LRCH2: variants seen among roughly 807,000 people sequenced by gnomAD.
LRCH2 encodes leucine-rich repeat and calponin homology domain-containing protein 2.
A neutral mutation model predicts 68.9 loss-of-function variants in LRCH2; 38 were observed. The observed-to-expected ratio is 0.55, with a 90% CI of 0.43 to 0.72. LRCH2 has a LOEUF of 0.72. LRCH2 is among the 30% of genes least tolerant of loss of function. The pLI, the probability that LRCH2 is intolerant of heterozygous loss-of-function variation, is 0.00. For missense variants in LRCH2, 528 were observed against 572.9 expected (o/e 0.92, Z 0.80); for synonymous variants, 191 against 208.1 (o/e 0.92, Z 0.71).
intron 16 of LRCH2, among the ~76,000 whole-genome samples, chrX:115,125,771 T>A (rs1269299246): frequency 1.9e-5 from 2 of 104,315 alleles, no homozygotes; most frequent in Non-Finnish European, 3.9e-5. Context: ...TAAGTAGTAG[T>A]CACTTATATG....
chrX:115,178,411 A>T (rs1603062377), intron 5 of LRCH2, among the ~76,000 whole-genome samples: 1 of 112,490 alleles, frequency 8.9e-6, no homozygotes, highest in East Asian at 2.8e-4. Flanking sequence ...AAGTGGTTAC[A>T]GTATTGGACC....
At chrX:115,173,195 C>T (rs1186896923) in intron 5 of LRCH2, among the ~76,000 whole-genome samples, 4 of 111,116 alleles carry the variant, frequency 3.6e-5, no homozygotes, top group Non-Finnish European at 7.5e-5. Context: ...ATGTCCATCC[C>T]GCTGACCCTG....
At chrX:115,171,368 G>T (rs1603055871) in intron 5 of LRCH2, among the ~76,000 whole-genome samples, 2 of 111,173 alleles carry the variant, frequency 1.8e-5, no homozygotes, top group Middle Eastern at 4.7e-3. Flanking sequence ...AAACTTTTGA[G>T]CTATTAGAAT....
At chrX:115,165,528 T>A in intron 9 of LRCH2, 30 bp downstream of exon 9, 1 of 1,078,633 alleles carries the variant, frequency 9.3e-7, no homozygotes, top group Non-Finnish European at 1.3e-6. Context: ...AGAGAACATG[T>A]TATTAATATT....
chrX:115,205,327 A>C (rs2072958073), intron 1 of LRCH2, among the ~76,000 whole-genome samples: 1 of 111,941 alleles, frequency 8.9e-6, no homozygotes, highest in African/African-American at 3.3e-5. Context: ...TGGATCACAG[A>C]ATTTTCAGGG....
At chrX:115,139,695 G>A (rs184995477) in intron 14 of LRCH2, among the ~76,000 whole-genome samples, 1 of 111,074 alleles carries the variant, frequency 9.0e-6, no homozygotes, top group African/African-American at 3.3e-5. Context: ...GGGGGAGGGA[G>A]AGCACAGGGA....
intron 14 of LRCH2, among the ~76,000 whole-genome samples, chrX:115,135,973 A>C (rs1368779973): frequency 8.9e-6 from 1 of 112,281 alleles, no homozygotes; most frequent in Non-Finnish European, 1.9e-5. Flanking sequence ...ATGCACTGGG[A>C]AACCAAAAAA....
At chrX:115,185,820 G>A (rs372612825) in intron 2 of LRCH2, among the ~76,000 whole-genome samples, 326 of 111,815 alleles carry the variant, frequency 2.9e-3, no homozygotes, top group Non-Finnish European at 5.0e-3. Context: ...GGATGAAGCA[G>A]GCTCCTTGGA....
In LRCH2 at chrX:115,134,217, T is replaced by C. The variant is rs1305495019; in HGVS notation, c.1696-4018A>G. On this transcript the variant is annotated intron_variant, in intron 14 of 20. Coordinates refer to ENST00000317135, the MANE Select transcript of LRCH2 (RefSeq NM_020871.4). ...AAGCTGCAGAAGAAAAGCTGGAAGC[T>C]GTAGAGGTTGGTTGGTTCATAAGAT... Among the ~76,000 whole-genome samples the C allele has an allele frequency of 3.6e-5, 4 of 112,208 alleles. No homozygotes were observed. The East Asian group carries it at 8.5e-4, about 24-fold the overall frequency.
intron 12 of LRCH2, among the ~76,000 whole-genome samples, chrX:115,156,391 G>C (rs1349324711): frequency 9.0e-6 from 1 of 111,158 alleles, no homozygotes; most frequent in South Asian, 3.7e-4. Flanking sequence ...AGACAAAAAT[G>C]CATCTATGAG....
rs35686915 is a variant in LRCH2, at chrX:115,177,046, CTT to C, written c.864+2379_864+2380del. Among the ~76,000 whole-genome samples, 218 of 66,633 alleles carry C rather than the reference CTT, an allele frequency of 3.3e-3. 2 individuals carry two copies. The highest frequency in any genetic ancestry group is 0.014 in the African/African-American group (202 of 14,019). The allele number at this position is 66,633 out of a possible 115,157, so 57.9% of individuals were successfully genotyped here. A position where few individuals can be genotyped will look rare whatever the true frequency, so the allele number is the denominator to read the frequency against. On this transcript the variant is annotated intron_variant, in intron 5 of 20. Transcript: ENST00000317135. ...ACAAGTGTGAGCCACCGCACCCAGCCTTTTTTTTTTTTTTTTTTTTTTTTTTT... is the reference window on the plus strand; with the variant it reads ...ACAAGTGTGAGCCACCGCACCCAGCCTTTTTTTTTTTTTTTTTTTTTTTTT...
intron 20 of LRCH2, among the ~76,000 whole-genome samples, chrX:115,116,760 ACC>A (rs2072086606): frequency 9.0e-6 from 1 of 111,412 alleles, no homozygotes; most frequent in African/African-American, 3.2e-5. Flanking sequence ...ATACTTTTTA[ACC>A]ACATACAAAA....
At chrX:115,194,420 GAT>G (rs1556562582) in intron 1 of LRCH2, among the ~76,000 whole-genome samples, 4 of 111,663 alleles carry the variant, frequency 3.6e-5, no homozygotes, top group Non-Finnish European at 7.5e-5. Flanking sequence ...TTTAGTTTAG[GAT>G]ATGTTTCTTT....
chrX:115,167,260 A>G (rs1490780284), intron 6 of LRCH2, among the ~76,000 whole-genome samples: 19 of 99,883 alleles, frequency 1.9e-4, no homozygotes, highest in Non-Finnish European at 1.4e-4. Context: ...TGTACTTTTC[A>G]GAAGTATATG....
chrX:115,192,665 C>T lies in LRCH2; in HGVS notation c.350-4295G>A, dbSNP rs1556561665. ...TACTAAGCAGGAACAGACTTGGGCC[C>T]AAAAATTCCTTTTCAAAGAAACAAA... On this transcript the variant is annotated intron_variant, in intron 1 of 20. Coordinates refer to ENST00000317135, the MANE Select transcript of LRCH2 (RefSeq NM_020871.4). 2.6e-6 allele frequency: 3 copies of T among 1,157,349 alleles called. No homozygotes were observed. The Admixed American group carries it at 7.8e-5, about 30-fold the overall frequency.
At chrX:115,189,787 A>G (rs2072768116) in intron 1 of LRCH2, 2 of 1,166,036 alleles carry the variant, frequency 1.7e-6, no homozygotes, top group African/African-American at 3.6e-5. Context: ...TGGGGGTGGC[A>G]GCAGCCCACA....
At chrX:115,186,117 T>C (rs1311379774) in intron 2 of LRCH2, among the ~76,000 whole-genome samples, 1 of 111,885 alleles carries the variant, frequency 8.9e-6, no homozygotes, top group Non-Finnish European at 1.9e-5. Flanking sequence ...CCCAGCACTT[T>C]TGAGAGGCCG....
chrX:115,191,117 C>G lies in LRCH2; in HGVS notation c.350-2747G>C, dbSNP rs186829304. On this transcript the variant is annotated intron_variant, in intron 1 of 20. Transcript: ENST00000317135. Reference sequence around the variant, plus strand: ...GGCCGCTATGAGTACCGAGGCCGCTCGCATGACGCCCACAGTGGGGGCTGC... The same window carrying G: ...GGCCGCTATGAGTACCGAGGCCGCTGGCATGACGCCCACAGTGGGGGCTGC... 563 of 1,164,727 alleles carry G rather than the reference C, an allele frequency of 4.8e-4. 1 individual carries two copies. The African/African-American group carries it at 8.5e-3, about 17-fold the overall frequency.
At chrX:115,161,687 C>T (rs2072520294) in intron 11 of LRCH2, among the ~76,000 whole-genome samples, 1 of 110,597 alleles carries the variant, frequency 9.0e-6, no homozygotes, top group African/African-American at 3.3e-5. Context: ...AGGCACAGTG[C>T]TAGATGCTAT....
Sources: gnomAD v4.1 joint callset for allele counts (sites outside exome capture counted in the v4.1 genomes callset) on GRCh38, gnomAD v4.1.1 for gene constraint, MANE v1.5 for transcripts, NCBI Gene and HGNC (gene_info 2026-07-23, HGNC 2026-07-21) for gene names.